The following HS2ST1 variants were observed in gnomAD, a reference collection of about 807,000 sequenced individuals.
HS2ST1 encodes the protein 2-O-sulfotransferase.
A neutral mutation model predicts 42.9 loss-of-function variants in HS2ST1; 18 were observed. The observed-to-expected ratio is 0.42, with a 90% CI of 0.29 to 0.62. The LOEUF is 0.62. Among genes scored for constraint, HS2ST1 ranks in the 20% least tolerant of loss-of-function variants. The pLI, the probability that HS2ST1 is intolerant of heterozygous loss-of-function variation, is 0.21. For missense variants in HS2ST1, 334 were observed against 433.8 expected (o/e 0.77, Z 2.04); for synonymous variants, 146 against 152.9 (o/e 0.95, Z 0.33).
At chr1:87,016,001 G>A (rs1424599293) in intron 1 of HS2ST1, among the ~76,000 whole-genome samples, 2 of 151,668 alleles carry the variant, frequency 1.3e-5, no homozygotes, top group Admixed American at 6.6e-5. Flanking sequence ...ATTTTTAGTA[G>A]AGACGGGGTT....
At chr1:86,946,484 A>G (rs551196230) in intron 1 of HS2ST1, among the ~76,000 whole-genome samples, 2 of 152,314 alleles carry the variant, frequency 1.3e-5, no homozygotes, top group South Asian at 4.1e-4. Flanking sequence ...ACAGTACATG[A>G]TTATGTTACT....
chr1:87,088,432 G>T (rs907659379), intron 3 of HS2ST1, among the ~76,000 whole-genome samples: 4 of 152,054 alleles, frequency 2.6e-5, no homozygotes, highest in Admixed American at 2.6e-4. Context: ...AGTACTTCAT[G>T]TATGGGTGTA....
chr1:87,078,358 T>C (rs189976043), intron 2 of HS2ST1, among the ~76,000 whole-genome samples: 7 of 152,310 alleles, frequency 4.6e-5, no homozygotes, highest in Admixed American at 6.5e-5. Flanking sequence ...CCCAACACCA[T>C]TACCTATATT....
At chr1:86,964,608 G>A (rs148021323) in intron 1 of HS2ST1, among the ~76,000 whole-genome samples, 9 of 152,226 alleles carry the variant, frequency 5.9e-5, no homozygotes, top group Non-Finnish European at 8.8e-5. Context: ...GCTTCGGCTC[G>A]GCATCAGAGG....
intron 1 of HS2ST1, among the ~76,000 whole-genome samples, chr1:86,953,165 ATACTT>A (rs367675147): frequency 7.9e-5 from 12 of 152,344 alleles, no homozygotes; most frequent in African/African-American, 2.9e-4. Context: ...TACTAGCTTC[ATACTT>A]TACTTCTGCA....
At chr1:87,000,573 C>T (rs1649253643) in intron 1 of HS2ST1, among the ~76,000 whole-genome samples, 1 of 152,142 alleles carries the variant, frequency 6.6e-6, no homozygotes, top group Non-Finnish European at 1.5e-5. Flanking sequence ...CAAAAGACTT[C>T]CTGTTCCAAA....
chr1:86,974,742 C>T (rs77800140), intron 1 of HS2ST1, among the ~76,000 whole-genome samples: 4,518 of 152,250 alleles, frequency 0.03, 96 homozygotes, highest in Middle Eastern at 0.075. Context: ...ATGGAAAACC[C>T]ACACATTAAG....
chr1:86,985,321 C>G, intron 1 of HS2ST1, among the ~76,000 whole-genome samples: 1 of 143,298 alleles, frequency 7.0e-6, no homozygotes, highest in Non-Finnish European at 1.5e-5. Flanking sequence ...TGCCACTGCA[C>G]TCCAGCCTGG....
intron 1 of HS2ST1, among the ~76,000 whole-genome samples, chr1:86,921,244 A>G (rs1366301937): frequency 2.0e-5 from 3 of 151,814 alleles, no homozygotes; most frequent in Non-Finnish European, 2.9e-5. Flanking sequence ...AGTTATGGAG[A>G]GGGGTTTTGA....
intron 1 of HS2ST1, among the ~76,000 whole-genome samples, chr1:86,931,176 T>C (rs560154789): frequency 6.6e-6 from 1 of 152,180 alleles, no homozygotes; most frequent in South Asian, 2.1e-4. Context: ...GTTGGCAATG[T>C]AATTTTTAAA....
chr1:86,944,556 T>C (rs1363755398), intron 1 of HS2ST1, among the ~76,000 whole-genome samples: 4 of 152,092 alleles, frequency 2.6e-5, no homozygotes, highest in African/African-American at 9.7e-5. Context: ...GGTTTCACCA[T>C]GTTGACCAGG....
chr1:86,996,783 A>G lies in HS2ST1; in HGVS notation c.125-76151A>G, dbSNP rs72953471. 3.8e-3 allele frequency among the ~76,000 whole-genome samples: 576 copies of G among 152,356 alleles called. 4 individuals are homozygous for G. The highest frequency in any genetic ancestry group is 0.013 in the African/African-American group (536 of 41,582). On this transcript the variant is annotated intron_variant, in intron 1 of 6. Transcript: ENST00000370550. ...TTTAAAATAACTATGCTTATGAATTATAATACATATGAAGATATCTCCAAG... is the reference window on the plus strand; with the variant it reads ...TTTAAAATAACTATGCTTATGAATTGTAATACATATGAAGATATCTCCAAG...
chr1:86,923,811 A>G (rs1660354864), intron 1 of HS2ST1, among the ~76,000 whole-genome samples: 1 of 152,162 alleles, frequency 6.6e-6, no homozygotes, highest in African/African-American at 2.4e-5. Context: ...CCCTCCCACA[A>G]CACAGGGGAA....
chr1:86,928,696 TA>T (rs1660473509), intron 1 of HS2ST1, among the ~76,000 whole-genome samples: 1 of 151,952 alleles, frequency 6.6e-6, no homozygotes, highest in African/African-American at 2.4e-5. Flanking sequence ...TTTTTAAAAA[TA>T]AAATAGAAGA....
intron 1 of HS2ST1, among the ~76,000 whole-genome samples, chr1:86,975,853 C>T (rs1173957914): frequency 6.6e-6 from 1 of 152,120 alleles, no homozygotes; most frequent in Non-Finnish European, 1.5e-5. Context: ...GGGTGAAGTA[C>T]AGGGGCTAGT....
At chr1:87,043,683 A>G (rs1570507122) in intron 1 of HS2ST1, among the ~76,000 whole-genome samples, 1 of 152,094 alleles carries the variant, frequency 6.6e-6, no homozygotes, top group African/African-American at 2.4e-5. Flanking sequence ...CTTGTTGGAA[A>G]ATATGGATGT....
chr1:86,951,976 C>T (rs753227445), intron 1 of HS2ST1, among the ~76,000 whole-genome samples: 1 of 152,180 alleles, frequency 6.6e-6, no homozygotes. Flanking sequence ...TTTCAGTCCC[C>T]GCTTCTAACT....
chr1:87,098,338 A>G, intron 5 of HS2ST1: 1 of 986,236 alleles, frequency 1.0e-6, no homozygotes, highest in Non-Finnish European at 1.2e-6. Context: ...TTACTGTTAA[A>G]CTGATTTTGA....
chr1:87,049,134 A>G (rs878983815), intron 1 of HS2ST1, among the ~76,000 whole-genome samples: 1 of 152,020 alleles, frequency 6.6e-6, no homozygotes, highest in South Asian at 2.1e-4. Flanking sequence ...CTGTTTAGCT[A>G]TCTGTGAGCT....
Sources: allele counts gnomAD v4.1 joint callset (sites outside exome capture counted in the v4.1 genomes callset), GRCh38; gene constraint gnomAD v4.1.1; transcripts MANE v1.5; gene names NCBI Gene and HGNC (gene_info 2026-07-23, HGNC 2026-07-21).